Variants in GALNT6 observed in about 807,000 individuals in gnomAD.
GALNT6 encodes the protein GalNAc transferase 6.
In GALNT6, 51 loss-of-function variants were observed where a neutral mutation model predicts 65.9. The observed-to-expected ratio is 0.77, with a 90% CI of 0.62 to 0.98. The LOEUF is 0.98. Ranked by LOEUF, GALNT6 falls within the 50% of genes least tolerant of loss-of-function variation. The pLI is 0.00. For synonymous variants in GALNT6, 323 were observed against 315.1 expected (o/e 1.02, Z -0.26); for missense variants, 708 against 803.3 (o/e 0.88, Z 1.43).
intron 4 of GALNT6, among the ~76,000 whole-genome samples, chr12:51,366,989 C>T (rs538560773): frequency 9.2e-5 from 14 of 152,224 alleles, no homozygotes; most frequent in African/African-American, 3.4e-4. Flanking sequence ...TTAGGCCAGA[C>T]GCGCTGGCTC....
At chr12:51,361,467 A>G (rs1371753481) in intron 6 of GALNT6, among the ~76,000 whole-genome samples, 1 of 152,222 alleles carries the variant, frequency 6.6e-6, no homozygotes, top group Non-Finnish European at 1.5e-5. Flanking sequence ...AGTTGCTTTT[A>G]ACAGAGAAAG....
chr12:51,378,890 C>CT (rs978469669), intron 3 of GALNT6, among the ~76,000 whole-genome samples: 17 of 145,014 alleles, frequency 1.2e-4, no homozygotes, highest in South Asian at 2.3e-4. Flanking sequence ...CCACCCCCCC[C>CT]CCAAACAGCT....
At chr12:51,358,538 T>C (rs535661834) in intron 8 of GALNT6, among the ~76,000 whole-genome samples, 641 of 152,220 alleles carry the variant, frequency 4.2e-3, no homozygotes, top group Middle Eastern at 0.02. Context: ...TCACCTTAGG[T>C]GATCTGCCCG....
At position 51,379,528 on chromosome 12, in the gene GALNT6, A is replaced by T. The variant is rs1169140913; in HGVS notation, c.254T>A (p.Ile85Lys). ...APEAQQTLFS[I>K]NQSCLPGFYT... Reference sequence around the variant, plus strand: ...GAACCCAGGGAGGCAGGACTGGTTTATGGAGAACAGAGTCTGCTGGGCTTC... The same window carrying T: ...GAACCCAGGGAGGCAGGACTGGTTTTTGGAGAACAGAGTCTGCTGGGCTTC... Residue 85 changes from isoleucine to lysine, a missense_variant, in exon 3 of 12, where the codon ATA becomes AAA. Ile to Lys is a moderately radical substitution (Grantham distance 102, BLOSUM62 -3). Coordinates refer to ENST00000356317, the MANE Select transcript of GALNT6 (RefSeq NM_007210.4). 2 of 1,614,176 alleles carry T rather than the reference A, an allele frequency of 1.2e-6. No homozygotes were observed. The highest frequency in any genetic ancestry group is 1.7e-6 in the Non-Finnish European group (2 of 1,180,026).
At chr12:51,372,341 TG>T (rs1352666104) in intron 4 of GALNT6, among the ~76,000 whole-genome samples, 1 of 152,148 alleles carries the variant, frequency 6.6e-6, no homozygotes, top group Non-Finnish European at 1.5e-5. Flanking sequence ...CTCGAGTAGC[TG>T]GGACTACAGG....
At chr12:51,377,499 G>A (rs1183511094) in intron 3 of GALNT6, 132 bp from the exon 4 acceptor site, 3 of 725,500 alleles carry the variant, frequency 4.1e-6, no homozygotes, top group East Asian at 5.4e-5. Flanking sequence ...TCTATAGCAG[G>A]TGGGAACAGC....
intron 8 of GALNT6, among the ~76,000 whole-genome samples, 185 bp downstream of exon 8, chr12:51,358,947 T>A (rs1403520276): frequency 6.6e-6 from 1 of 152,104 alleles, no homozygotes; most frequent in Non-Finnish European, 1.5e-5. Context: ...GGGACAACAT[T>A]CTCTAGCTTT....
At chr12:51,354,545 G>T in intron 11 of GALNT6, 53 bp from the exon 12 acceptor site, 1 of 1,059,338 alleles carries the variant, frequency 9.4e-7, no homozygotes, top group Non-Finnish European at 1.4e-6. Flanking sequence ...TCTTAACGGT[G>T]CTACCAGGGA....
intron 4 of GALNT6, among the ~76,000 whole-genome samples, chr12:51,370,040 A>G (rs1338794443): frequency 6.6e-6 from 1 of 152,214 alleles, no homozygotes; most frequent in African/African-American, 2.4e-5. Context: ...AAAAAAAACT[A>G]AAGACAGAAT....
At chr12:51,386,831 ACTCAT>A (rs1947857789) in intron 2 of GALNT6, among the ~76,000 whole-genome samples, 1 of 152,098 alleles carries the variant, frequency 6.6e-6, no homozygotes, top group African/African-American at 2.4e-5. Flanking sequence ...CAAACACAGC[ACTCAT>A]CTCAAGTCCT....
intron 10 of GALNT6, among the ~76,000 whole-genome samples, 185 bp from the exon 11 acceptor site, chr12:51,356,143 T>C (rs1271266760): frequency 6.6e-6 from 1 of 151,542 alleles, no homozygotes; most frequent in Non-Finnish European, 1.5e-5. Flanking sequence ...GCTGGAATTT[T>C]ATATACATAT....
At chr12:51,375,369 A>G (rs1046719404) in intron 4 of GALNT6, among the ~76,000 whole-genome samples, 2 of 152,182 alleles carry the variant, frequency 1.3e-5, no homozygotes, top group South Asian at 4.1e-4. Flanking sequence ...ACTGCAGACC[A>G]GCCCTAGCCA....
chr12:51,357,294 G>T (rs1379701887), intron 10 of GALNT6, 55 bp downstream of exon 10: 1 of 1,153,768 alleles, frequency 8.7e-7, no homozygotes, highest in African/African-American at 1.5e-5. Flanking sequence ...CTTTAGGGTA[G>T]AGAAAAGGAG....
rs560540137 is a variant in GALNT6, at chr12:51,368,951, T to C, written c.665-3372A>G. On this transcript the variant is annotated intron_variant, in intron 4 of 11. Transcript: ENST00000356317. Reference sequence around the variant, plus strand: ...ATGTGCTGCCAGGTGCCAGATGCTGTTCTGGGAAGGGAGGGGCCTGGTCTG... The same window carrying C: ...ATGTGCTGCCAGGTGCCAGATGCTGCTCTGGGAAGGGAGGGGCCTGGTCTG... Among the ~76,000 whole-genome samples the C allele has an allele frequency of 7.9e-5, 12 of 152,282 alleles. No homozygotes were observed. The South Asian group carries it at 2.1e-3, about 26-fold the overall frequency.
chr12:51,379,403 G>C lies in GALNT6; in HGVS notation c.379C>G (p.Pro127Ala). 1 of 1,607,232 alleles carries C rather than the reference G, an allele frequency of 6.2e-7. No individual in the cohort carries two copies. The highest frequency in any genetic ancestry group is 8.5e-7 in the Non-Finnish European group (1 of 1,176,710). The change falls in exon 3 of 12, where the codon CCC (proline) becomes GCC (alanine). Residue 127 changes from proline (P) to alanine (A), a missense_variant. Pro to Ala is a conservative substitution (Grantham distance 27). Transcript: ENST00000356317. ...TCTTCCTTTTCCTGGGTCTCCAGGGGGGTCCACTTGCTCTTCTGAAATGCT... is the reference window on the plus strand; with the variant it reads ...TCTTCCTTTTCCTGGGTCTCCAGGGCGGTCCACTTGCTCTTCTGAAATGCT... ...GKAFQKSKWT[P>A]LETQEKEEGY...
At position 51,387,712 on chromosome 12, in the gene GALNT6, G is replaced by T. The variant is rs1338361975; in HGVS notation, c.-104+3138C>A. Among the ~76,000 whole-genome samples, 5 of 151,992 alleles carry T rather than the reference G, an allele frequency of 3.3e-5. No individual in the cohort carries two copies. The highest frequency in any genetic ancestry group is 9.7e-5 in the African/African-American group (4 of 41,348). On this transcript the variant is annotated intron_variant, in intron 2 of 11. Transcript: ENST00000356317. This position sits in a 1 kb window ranked among gnomAD's most constrained non-coding sequence, Gnocchi z 4.2. Reference sequence around the variant, plus strand: ...GAGGGTTCCAGGTGGAGATGAGGTGGGATTCTCTAATCACCTAGAAGCCTT... The same window carrying T: ...GAGGGTTCCAGGTGGAGATGAGGTGTGATTCTCTAATCACCTAGAAGCCTT...
intron 4 of GALNT6, among the ~76,000 whole-genome samples, chr12:51,365,878 C>T (rs1947085299): frequency 6.6e-6 from 1 of 152,172 alleles, no homozygotes; most frequent in South Asian, 2.1e-4. Flanking sequence ...AGGGACAGCA[C>T]CTCAGAGTTG....
rs189910578 is a variant in GALNT6 at position 51,387,916 on chromosome 12, C to T, written c.-104+2934G>A. Among the ~76,000 whole-genome samples the T allele has an allele frequency of 6.6e-6, 1 of 152,266 alleles. No individual in the cohort carries two copies. Among genetic ancestry groups the T allele is most frequent in the Non-Finnish European group, 1.5e-5 (1 of 68,022 alleles). On this transcript the variant is annotated intron_variant, in intron 2 of 11. Coordinates refer to ENST00000356317, the MANE Select transcript of GALNT6 (RefSeq NM_007210.4). This position sits in a 1 kb window ranked among gnomAD's most constrained non-coding sequence, Gnocchi z 4.2. ...AGAATTGAATTTTTCCTTTTCTCCTCATCCCCCAGTCTGCTCTTGGCTGCA... is the reference window on the plus strand; with the variant it reads ...AGAATTGAATTTTTCCTTTTCTCCTTATCCCCCAGTCTGCTCTTGGCTGCA...
chr12:51,388,540 C>T (rs772766368), intron 2 of GALNT6, among the ~76,000 whole-genome samples: 6 of 152,152 alleles, frequency 3.9e-5, no homozygotes. Flanking sequence ...AGAAGGCTTC[C>T]TAGACTAAGG....
Sources: gnomAD v4.1 joint callset for allele counts (sites outside exome capture counted in the v4.1 genomes callset) on GRCh38, gnomAD v4.1.1 for gene constraint, Gnocchi (gnomAD v3.1) non-coding constraint, MANE v1.5 for transcripts, NCBI Gene and HGNC (gene_info 2026-07-23, HGNC 2026-07-21) for gene names.